The following ZNF516 variants were observed in gnomAD, a reference collection of about 807,000 sequenced individuals.
ZNF516 encodes the protein zinc finger protein 516.
Under a neutral mutation model 79.7 loss-of-function variants are expected in ZNF516, and 19 were observed. That is an observed-to-expected ratio of 0.24 (90% CI 0.17 to 0.35). The LOEUF (loss-of-function observed/expected upper bound fraction) is 0.35. Ranked by LOEUF, ZNF516 falls within the 10% of genes least tolerant of loss-of-function variation. The probability of loss-of-function intolerance (pLI) is 1.00; values close to 1 mark genes in which losing one functional copy is unlikely to be tolerated. For missense variants in ZNF516, 1,678 were observed against 1,679.5 expected (o/e 1.00, Z 0.02); for synonymous variants, 877 against 739.5 (o/e 1.19, Z -3.02).
chr18:76,494,448 T>TCGCCCC (rs1555723583), intron 1 of ZNF516, among the ~76,000 whole-genome samples: 2 of 35,662 alleles, frequency 5.6e-5, no homozygotes, highest in Non-Finnish European at 1.1e-4. Context: ...TGCCAGACCC[T>TCGCCCC]CGCCCCCACC....
At chr18:76,454,137 C>T (rs1381879783) in intron 2 of ZNF516, among the ~76,000 whole-genome samples, 1 of 152,168 alleles carries the variant, frequency 6.6e-6, no homozygotes, top group Non-Finnish European at 1.5e-5. Flanking sequence ...AGCCATAAGG[C>T]ATTCTGTTAA....
rs143288925 is a variant in ZNF516, at chr18:76,483,023, G to A, written c.-272+12121C>T. 1.8e-4 allele frequency among the ~76,000 whole-genome samples: 27 copies of A among 152,286 alleles called. No homozygotes were observed. In the East Asian group the frequency reaches 4.4e-3, roughly 25 times the overall value. ...TTCTTAAGAAAAGAAAAAAAATTCTGAATTTACTAATTTTTTTCCTCTTAA... is the reference window on the plus strand; with the variant it reads ...TTCTTAAGAAAAGAAAAAAAATTCTAAATTTACTAATTTTTTTCCTCTTAA... On this transcript the variant is annotated intron_variant, in intron 1 of 6. Transcript: ENST00000443185.
At chr18:76,371,378 T>A (rs1228523643) in intron 5 of ZNF516, 89 bp downstream of exon 5, 1 of 1,308,334 alleles carries the variant, frequency 7.6e-7, no homozygotes, top group Non-Finnish European at 1.0e-6. Context: ...AATCTCAGTA[T>A]CTCCCTCGCT....
intron 3 of ZNF516, among the ~76,000 whole-genome samples, chr18:76,390,985 C>T (rs1421338855): frequency 6.6e-6 from 1 of 152,092 alleles, no homozygotes; most frequent in African/African-American, 2.4e-5. Context: ...AGCTCACACC[C>T]CACAGCGCTG....
intron 6 of ZNF516, among the ~76,000 whole-genome samples, chr18:76,369,428 AAAAC>A (rs2074667274): frequency 6.6e-6 from 1 of 151,274 alleles, no homozygotes; most frequent in African/African-American, 2.5e-5. Flanking sequence ...AACAAAAACA[AAAAC>A]AAAAACCGAA....
intron 6 of ZNF516, among the ~76,000 whole-genome samples, chr18:76,363,923 A>G (rs2074577579): frequency 6.6e-6 from 1 of 152,232 alleles, no homozygotes; most frequent in African/African-American, 2.4e-5. Flanking sequence ...ATGCCTGTGA[A>G]CACAGGTGCT....
chr18:76,419,963 T>G (rs2075484666), intron 3 of ZNF516, among the ~76,000 whole-genome samples: 1 of 152,252 alleles, frequency 6.6e-6, no homozygotes, highest in Admixed American at 6.5e-5. Context: ...GGCCCACGCA[T>G]GTGGAGCGAG....
At chr18:76,418,266 C>A (rs1568274868) in intron 3 of ZNF516, among the ~76,000 whole-genome samples, 1 of 152,064 alleles carries the variant, frequency 6.6e-6, no homozygotes, top group Non-Finnish European at 1.5e-5. Flanking sequence ...TACACCGTAA[C>A]ACACTAACAT....
intron 3 of ZNF516, among the ~76,000 whole-genome samples, chr18:76,411,624 C>T (rs2075372998): frequency 6.6e-6 from 1 of 152,018 alleles, no homozygotes; most frequent in South Asian, 2.1e-4. Flanking sequence ...TTGAAAACAC[C>T]ACAAAAAACT....
chr18:76,370,415 C>T (rs760177646), intron 6 of ZNF516, 113 bp downstream of exon 6: 3 of 1,024,728 alleles, frequency 2.9e-6, no homozygotes, highest in Non-Finnish European at 4.2e-6. Flanking sequence ...GGATTATTTA[C>T]ACATCTAGTG....
chr18:76,434,303 A>G (rs1411266490), intron 3 of ZNF516, among the ~76,000 whole-genome samples: 1 of 152,218 alleles, frequency 6.6e-6, no homozygotes, highest in African/African-American at 2.4e-5. Flanking sequence ...CACAGCAACA[A>G]TGACATTCAC....
chr18:76,466,425 C>A (rs139694173), intron 1 of ZNF516, among the ~76,000 whole-genome samples: 1 of 152,344 alleles, frequency 6.6e-6, no homozygotes, highest in Non-Finnish European at 1.5e-5. Context: ...GCCACGTGGA[C>A]GGGATGCTGG....
At chr18:76,423,951 C>T (rs1277802663) in intron 3 of ZNF516, among the ~76,000 whole-genome samples, 29 of 130,784 alleles carry the variant, frequency 2.2e-4, no homozygotes, top group African/African-American at 8.3e-4. Flanking sequence ...AAGGCTCCCC[C>T]GAAACACACG....
intron 4 of ZNF516, among the ~76,000 whole-genome samples, chr18:76,374,613 T>C (rs1433020737): frequency 3.9e-5 from 6 of 152,228 alleles, no homozygotes; most frequent in Admixed American, 3.3e-4. Flanking sequence ...TCTGTATAAA[T>C]GGAACATGTC....
chr18:76,373,836 C>T (rs1317633144), intron 4 of ZNF516, among the ~76,000 whole-genome samples: 1 of 152,238 alleles, frequency 6.6e-6, no homozygotes, highest in Non-Finnish European at 1.5e-5. Flanking sequence ...GCCCTTATGG[C>T]CAATAATATT....
Position 76,379,024 on chromosome 18 carries a change from G to T in ZNF516, c.3090C>A (p.Pro1030=), listed in dbSNP as rs373499364. ...SRGDAALQAQ[P]GVAGAPPVLH... is the part of the protein sequence containing the mutation. ...GGACGGGGGGCGCCCCAGCCACGCC[G>T]GGCTGGGCCTGCAAGGCCGCGTCGC... Residue 1030 remains proline, a synonymous_variant, in exon 4 of 7, where the codon CCC becomes CCA. Coordinates refer to ENST00000443185, the MANE Select transcript of ZNF516 (RefSeq NM_014643.4). 22 of 1,604,278 alleles carry T rather than the reference G, an allele frequency of 1.4e-5. No individual in the cohort carries two copies. Among genetic ancestry groups the T allele is most frequent in the Non-Finnish European group, 1.6e-5 (19 of 1,176,002 alleles).
chr18:76,488,914 A>G (rs1294048654), intron 1 of ZNF516, among the ~76,000 whole-genome samples: 1 of 152,270 alleles, frequency 6.6e-6, no homozygotes, highest in African/African-American at 2.4e-5. Flanking sequence ...GGTAATTAAC[A>G]GAAGTCCTTT....
At chr18:76,466,582 G>A (rs866441239) in intron 1 of ZNF516, among the ~76,000 whole-genome samples, 6 of 152,336 alleles carry the variant, frequency 3.9e-5, no homozygotes, top group East Asian at 1.9e-4. Flanking sequence ...TGCCGGGGCC[G>A]CGCATCTCCA....
At chr18:76,367,661 C>T (rs2074636541) in intron 6 of ZNF516, among the ~76,000 whole-genome samples, 1 of 152,186 alleles carries the variant, frequency 6.6e-6, no homozygotes. Context: ...GCCTCAATGA[C>T]AGGGCCCTTC....
Sources: allele counts gnomAD v4.1 joint callset (sites outside exome capture counted in the v4.1 genomes callset), GRCh38; gene constraint gnomAD v4.1.1; transcripts MANE v1.5; gene names NCBI Gene and HGNC (gene_info 2026-07-23, HGNC 2026-07-21).